NEGR1: variants seen among roughly 807,000 people sequenced by gnomAD.
NEGR1 encodes neuronal growth regulator 1.
A neutral mutation model predicts 40.9 loss-of-function variants in NEGR1; 10 were observed. The observed-to-expected ratio is 0.24, with a 90% CI of 0.15 to 0.42. NEGR1 has a LOEUF of 0.42. Among genes scored for constraint, NEGR1 ranks in the 10% least tolerant of loss-of-function variants. NEGR1 has a pLI of 1.00. For synonymous variants in NEGR1, 185 were observed against 166.8 expected (o/e 1.11, Z -0.84); for missense variants, 352 against 438.9 (o/e 0.80, Z 1.77).
intron 6 of NEGR1, chr1:71,486,774 T>C (rs933010404): frequency 4.0e-5 from 6 of 151,518 alleles, no homozygotes; most frequent in Admixed American, 3.3e-4. Context: ...CTTAGCATGG[T>C]TCCTGGCAAG....
chr1:72,015,793 C>T (rs1248761152), intron 1 of NEGR1, among the ~76,000 whole-genome samples: 1 of 152,174 alleles, frequency 6.6e-6, no homozygotes, highest in Non-Finnish European at 1.5e-5. Flanking sequence ...GTTCTGGGTC[C>T]AGGGTCTAAA....
intron 6 of NEGR1, chr1:71,488,223 T>C (rs1008061996): frequency 7.2e-5 from 11 of 151,778 alleles, no homozygotes; most frequent in Admixed American, 6.6e-5. Flanking sequence ...AGTTTTTTTT[T>C]CCAGAGGCAA....
intron 1 of NEGR1, among the ~76,000 whole-genome samples, chr1:71,996,592 C>A (rs1646506358): frequency 6.6e-6 from 1 of 152,106 alleles, no homozygotes; most frequent in Non-Finnish European, 1.5e-5. Flanking sequence ...ACTATCCCTT[C>A]AGGGAGCTCT....
At chr1:71,757,732 C>T (rs1655791351) in intron 3 of NEGR1, among the ~76,000 whole-genome samples, 1 of 151,938 alleles carries the variant, frequency 6.6e-6, no homozygotes, top group Non-Finnish European at 1.5e-5. Context: ...CTGGTGATTG[C>T]CCAGTAAACA....
chr1:72,115,271 C>T (rs759894875), intron 1 of NEGR1, among the ~76,000 whole-genome samples: 3 of 151,610 alleles, frequency 2.0e-5, no homozygotes, highest in South Asian at 2.1e-4. Flanking sequence ...ACCTATTTCT[C>T]CAGATCTATA....
At chr1:71,864,725 C>G (rs541607276) in intron 2 of NEGR1, among the ~76,000 whole-genome samples, 1 of 152,170 alleles carries the variant, frequency 6.6e-6, no homozygotes, top group Non-Finnish European at 1.5e-5. Context: ...ATAGAAAAAT[C>G]CTTCCAATAA....
rs1298457898 is a variant in NEGR1, at chr1:71,405,617, G to A, written c.*1829C>T. On this transcript the variant is annotated 3_prime_UTR_variant, in exon 7 of 7. Coordinates refer to ENST00000357731, the MANE Select transcript of NEGR1 (RefSeq NM_173808.3). The stretch of plus-strand genomic sequence containing the variant: ...CATTTTGTGGAAAGAGTATACTTAT[G>A]TCCCCTCATTTAAGATTCATTTTTC... 1 of 151,206 alleles carries A rather than the reference G, an allele frequency of 6.6e-6. No individual in the cohort carries two copies. The highest frequency in any genetic ancestry group is 2.4e-5 in the African/African-American group (1 of 41,110). The allele number at this position is 151,206 out of a possible 1,614,324, so 9.4% of individuals were successfully genotyped here.
chr1:71,751,356 C>G (rs897983614), intron 3 of NEGR1, among the ~76,000 whole-genome samples: 2 of 152,116 alleles, frequency 1.3e-5, no homozygotes, highest in Non-Finnish European at 2.9e-5. Context: ...TTGAGCACTT[C>G]AAGAAAAGTA....
chr1:71,577,652 C>A (rs530203392), intron 6 of NEGR1, among the ~76,000 whole-genome samples: 11 of 152,232 alleles, frequency 7.2e-5, no homozygotes, highest in Middle Eastern at 3.4e-3. Flanking sequence ...TTTCTGTTAT[C>A]CATCTATGTG....
intron 1 of NEGR1, among the ~76,000 whole-genome samples, chr1:71,970,387 T>C (rs949298141): frequency 6.6e-6 from 1 of 152,078 alleles, no homozygotes; most frequent in Non-Finnish European, 1.5e-5. Flanking sequence ...TTTTGTGTTT[T>C]AGAAAAAAGT....
intron 1 of NEGR1, among the ~76,000 whole-genome samples, chr1:72,080,966 G>A (rs775670260): frequency 6.6e-6 from 1 of 152,082 alleles, no homozygotes; most frequent in Non-Finnish European, 1.5e-5. Flanking sequence ...CTGGTTGAGA[G>A]AGGGTATTTC....
chr1:71,834,995 G>GGC (rs1237699832), intron 2 of NEGR1, among the ~76,000 whole-genome samples: 14 of 151,798 alleles, frequency 9.2e-5, no homozygotes, highest in African/African-American at 3.1e-4. Context: ...CAGCTGGGCA[G>GGC]TTCTGCCAAT....
chr1:71,686,025 G>C (rs967559583), intron 4 of NEGR1, among the ~76,000 whole-genome samples: 1 of 63,410 alleles, frequency 1.6e-5, no homozygotes, highest in Non-Finnish European at 3.1e-5. Flanking sequence ...TCAAAGGCAT[G>C]AGACTCATAG....
chr1:72,027,201 C>T (rs1454368127), intron 1 of NEGR1, among the ~76,000 whole-genome samples: 1 of 152,166 alleles, frequency 6.6e-6, no homozygotes, highest in Non-Finnish European at 1.5e-5. Context: ...GCTGGAATTA[C>T]AGGCTTGAGC....
At chr1:72,211,886 ATC>A (rs1440770849) in intron 1 of NEGR1, among the ~76,000 whole-genome samples, 1 of 151,886 alleles carries the variant, frequency 6.6e-6, no homozygotes, top group South Asian at 2.1e-4. Flanking sequence ...TTATAAAAAT[ATC>A]TCTTAGTTCC....
chr1:72,158,718 T>A (rs1224528561), intron 1 of NEGR1, among the ~76,000 whole-genome samples: 3 of 152,192 alleles, frequency 2.0e-5, no homozygotes, highest in Non-Finnish European at 4.4e-5. Flanking sequence ...ATATATCAGA[T>A]TGAAAGACAA....
intron 1 of NEGR1, among the ~76,000 whole-genome samples, chr1:72,131,994 G>C (rs1650272801): frequency 6.6e-6 from 1 of 152,106 alleles, no homozygotes; most frequent in African/African-American, 2.4e-5. Context: ...ACCTACTTGG[G>C]GTCCTGAGGC....
intron 1 of NEGR1, among the ~76,000 whole-genome samples, chr1:72,064,868 G>A (rs1447012106): frequency 6.6e-6 from 1 of 151,910 alleles, no homozygotes; most frequent in East Asian, 1.9e-4. Flanking sequence ...TATTAAATGA[G>A]GAAACTTAAG....
rs181259255 is a variant in NEGR1 at position 71,877,134 on chromosome 1, C to T, written c.409+57945G>A. 1.2e-3 allele frequency among the ~76,000 whole-genome samples: 175 copies of T among 148,398 alleles called. 1 individual carries two copies. Among genetic ancestry groups the T allele is most frequent in the African/African-American group, 3.8e-3 (152 of 40,414 alleles). On this transcript the variant is annotated intron_variant, in intron 2 of 6. Coordinates refer to ENST00000357731, the MANE Select transcript of NEGR1 (RefSeq NM_173808.3). ...GCATTCAAAGCAAAGGTAGGTAGCA[C>T]GACAAAAACAAAACAAAACAAAAAA...
Sources: allele counts gnomAD v4.1 joint callset (sites outside exome capture counted in the v4.1 genomes callset), GRCh38; gene constraint gnomAD v4.1.1; transcripts MANE v1.5; gene names NCBI Gene and HGNC (gene_info 2026-07-23, HGNC 2026-07-21).